The following ABCB10 variants were observed in gnomAD, a reference collection of about 807,000 sequenced individuals.
ABCB10 encodes the protein ATP-binding cassette sub-family B member 10, mitochondrial.
A neutral mutation model predicts 65.4 loss-of-function variants in ABCB10; 54 were observed. That is an observed-to-expected ratio of 0.83 (90% CI 0.66 to 1.04). The LOEUF (loss-of-function observed/expected upper bound fraction) is 1.04, where lower values mean the gene tolerates loss of function less well. ABCB10 is among the 50% of genes least tolerant of loss of function. The pLI, the probability that ABCB10 is intolerant of heterozygous loss-of-function variation, is 0.00. For synonymous variants in ABCB10, 418 were observed against 406.5 expected (o/e 1.03, Z -0.34); for missense variants, 846 against 976.6 (o/e 0.87, Z 1.78).
chr1:229,517,906 T>C lies in ABCB10; in HGVS notation c.*273A>G. 3.0e-6 allele frequency: 1 copy of C among 338,132 alleles called. No individual in the cohort carries two copies. 20.9% of individuals were successfully genotyped at this position (338,132 alleles called of 1,614,324 possible). A position where few individuals can be genotyped will look rare whatever the true frequency, so the allele number is the denominator to read the frequency against. On this transcript the variant is annotated 3_prime_UTR_variant, in exon 13 of 13. Transcript: ENST00000344517. ...CAAAAGAAAATGAGGTGCCATGCTA[T>C]ATTAATTAAAATATTCCACAAGAAA...
chr1:229,522,387 T>G (rs753460468), intron 10 of ABCB10, among the ~76,000 whole-genome samples: 2 of 151,280 alleles, frequency 1.3e-5, no homozygotes, highest in African/African-American at 2.4e-5. Context: ...TTAAAATTTT[T>G]TGGAGACATG....
intron 4 of ABCB10, among the ~76,000 whole-genome samples, chr1:229,541,951 C>CAA (rs1180453323): frequency 1.2e-4 from 8 of 68,734 alleles, no homozygotes; most frequent in African/African-American, 2.5e-4. Flanking sequence ...TACCTTGTCT[C>CAA]AAAAAAAAAA....
At chr1:229,547,813 A>G in intron 2 of ABCB10, 112 bp from the exon 3 acceptor site, 1 of 974,148 alleles carries the variant, frequency 1.0e-6, no homozygotes, top group Non-Finnish European at 1.6e-6. Flanking sequence ...CTCCTGAGCA[A>G]TGCAGCCTCT....
chr1:229,543,142 A>AG (rs1212385215), intron 3 of ABCB10, among the ~76,000 whole-genome samples: 2 of 151,912 alleles, frequency 1.3e-5, no homozygotes, highest in African/African-American at 2.4e-5. Flanking sequence ...AAAAAAAAAA[A>AG]AAAAAAAACA....
intron 10 of ABCB10, among the ~76,000 whole-genome samples, chr1:229,525,149 C>A (rs1211350885): frequency 6.6e-6 from 1 of 152,136 alleles, no homozygotes; most frequent in Non-Finnish European, 1.5e-5. Context: ...GCCACCGTGC[C>A]TGGCCAAAAC....
chr1:229,517,830 T>C lies in ABCB10; in HGVS notation c.*349A>G, dbSNP rs1218808183. ...AAATAATCAGGCTTTTTATTTATAA[T>C]TGCCTTTTTAAAGTTGTCATTTGAC... On this transcript the variant is annotated 3_prime_UTR_variant, in exon 13 of 13. Coordinates refer to ENST00000344517, the MANE Select transcript of ABCB10 (RefSeq NM_012089.3). 3 of 191,404 alleles carry C rather than the reference T, an allele frequency of 1.6e-5. No homozygotes were observed. The highest frequency in any genetic ancestry group is 7.1e-5 in the African/African-American group (3 of 42,284). 11.9% of individuals were successfully genotyped at this position (191,404 alleles called of 1,614,324 possible). A position where few individuals can be genotyped will look rare whatever the true frequency, so the allele number is the denominator to read the frequency against.
At chr1:229,546,016 A>G (rs1346269228) in intron 3 of ABCB10, among the ~76,000 whole-genome samples, 3 of 152,010 alleles carry the variant, frequency 2.0e-5, no homozygotes, top group South Asian at 2.1e-4. Context: ...CTAAAAATAC[A>G]AAAAAATTAG....
At chr1:229,524,987 G>A (rs1313279440) in intron 10 of ABCB10, among the ~76,000 whole-genome samples, 1 of 151,988 alleles carries the variant, frequency 6.6e-6, no homozygotes, top group African/African-American at 2.4e-5. Flanking sequence ...CCGAGTAGCT[G>A]GGATTACAGG....
rs1241491309 is a variant in ABCB10, at chr1:229,517,507, T to C, written c.*672A>G. Reference sequence around the variant, plus strand: ...TTTCCTGTTCAAAAAATAAAGCTTCTGCCCTTTTAAAAACTTGTCAGGCTT... The same window carrying C: ...TTTCCTGTTCAAAAAATAAAGCTTCCGCCCTTTTAAAAACTTGTCAGGCTT... On this transcript the variant is annotated 3_prime_UTR_variant, in exon 13 of 13. Transcript: ENST00000344517. 6.6e-6 allele frequency: 1 copy of C among 152,258 alleles called. No individual in the cohort carries two copies. Among genetic ancestry groups the C allele is most frequent in the Non-Finnish European group, 1.5e-5 (1 of 68,036 alleles). The allele number at this position is 152,258 out of a possible 1,614,324, so 9.4% of individuals were successfully genotyped here. A position where few individuals can be genotyped will look rare whatever the true frequency, so the allele number is the denominator to read the frequency against.
Position 229,518,408 on chromosome 1 carries a change from G to C in ABCB10, c.1988C>G (p.Ala663Gly). ...KILLLDEATS[A>G]LDAENEYLVQ... is the part of the protein sequence containing the mutation. ...AAGGTACTCATTTTCGGCATCCAGC[G>C]CACTGACACAGGAGCACACACACAA... The change falls in exon 13 of 13, where the codon GCG becomes GGG. Residue 663 changes from alanine (A) to glycine (G), a missense_variant and splice_region_variant. Ala to Gly is a moderately conservative substitution (Grantham distance 60, BLOSUM62 0). Transcript: ENST00000344517. The C allele has an allele frequency of 6.2e-7, 1 of 1,613,786 alleles. No individual in the cohort carries two copies. The highest frequency in any genetic ancestry group is 1.1e-5 in the South Asian group (1 of 91,052).
chr1:229,541,006 C>A (rs548296286), intron 4 of ABCB10, among the ~76,000 whole-genome samples: 2 of 152,040 alleles, frequency 1.3e-5, no homozygotes, highest in Admixed American at 6.6e-5. Flanking sequence ...AAAATCTATA[C>A]CTAAACATAT....
chr1:229,542,455 G>A lies in ABCB10; in HGVS notation c.922-84C>T, dbSNP rs560397577. ...CATTACCTACGAAAGGGGAGTGTGT[G>A]TGTGGGTGTGTCTGTGTGTGTGTGT... On this transcript the variant is annotated intron_variant, in intron 3 of 12. Coordinates refer to ENST00000344517, the MANE Select transcript of ABCB10 (RefSeq NM_012089.3). 2.0e-6 allele frequency: 3 copies of A among 1,488,246 alleles called. No homozygotes were observed. The East Asian group carries it at 7.3e-5, about 36-fold the overall frequency. The allele number at this position is 1,488,246 out of a possible 1,614,324, so 92.2% of individuals were successfully genotyped here. A position where few individuals can be genotyped will look rare whatever the true frequency, so the allele number is the denominator to read the frequency against.
chr1:229,527,058 A>G (rs1356747079), intron 9 of ABCB10, among the ~76,000 whole-genome samples, 171 bp downstream of exon 9: 1 of 152,144 alleles, frequency 6.6e-6, no homozygotes, highest in Non-Finnish European at 1.5e-5. Flanking sequence ...GGTTTTCAGG[A>G]AACAGCGCTA....
intron 8 of ABCB10, among the ~76,000 whole-genome samples, chr1:229,528,550 C>T (rs955141261): frequency 6.6e-6 from 1 of 152,118 alleles, no homozygotes; most frequent in Non-Finnish European, 1.5e-5. Flanking sequence ...ATGTAGTAAG[C>T]CCCATTTTAA....
intron 1 of ABCB10, among the ~76,000 whole-genome samples, chr1:229,557,588 T>A (rs531798664): frequency 3.7e-4 from 57 of 152,370 alleles, no homozygotes; most frequent in Non-Finnish European, 5.3e-4. Context: ...ACTCAATTAC[T>A]GAACAGATCA....
intron 4 of ABCB10, 56 bp downstream of exon 4, chr1:229,542,181 A>T (rs1475812136): frequency 1.3e-6 from 2 of 1,590,464 alleles, no homozygotes; most frequent in Non-Finnish European, 1.7e-6. Context: ...GCCCTCTAGG[A>T]TCCTGGCTAT....
chr1:229,544,534 C>T (rs567260748), intron 3 of ABCB10, among the ~76,000 whole-genome samples: 2 of 148,852 alleles, frequency 1.3e-5, no homozygotes, highest in African/African-American at 4.9e-5. Flanking sequence ...GTTCTCATAA[C>T]TGGACTTCCC....
intron 4 of ABCB10, among the ~76,000 whole-genome samples, 195 bp downstream of exon 4, chr1:229,542,042 C>G (rs1662861187): frequency 6.6e-6 from 1 of 151,452 alleles, no homozygotes; most frequent in African/African-American, 2.4e-5. Context: ...GTTAGATCTA[C>G]TTTGAGATAT....
At chr1:229,530,016 T>C (rs1662541019) in intron 8 of ABCB10, among the ~76,000 whole-genome samples, 183 bp downstream of exon 8, 1 of 152,254 alleles carries the variant, frequency 6.6e-6, no homozygotes, top group South Asian at 2.1e-4. Context: ...AAGGCCTCTG[T>C]ATGAGCTGTC....
Sources: allele counts gnomAD v4.1 joint callset (sites outside exome capture counted in the v4.1 genomes callset), GRCh38; gene constraint gnomAD v4.1.1; transcripts MANE v1.5; gene names NCBI Gene and HGNC (gene_info 2026-07-23, HGNC 2026-07-21).